Variants in SLC22A23 observed in about 807,000 individuals in gnomAD.
SLC22A23 encodes ion transporter protein.
SLC22A23 carries 26 observed loss-of-function variants against 61.0 expected under a neutral mutation model. The ratio of observed to expected loss-of-function variants is 0.43; its 90% CI spans 0.31 to 0.59. SLC22A23 has a LOEUF of 0.59. Ranked by LOEUF, SLC22A23 falls within the 20% of genes least tolerant of loss-of-function variation. SLC22A23 has a pLI of 0.11. For missense variants in SLC22A23, 796 were observed against 934.7 expected (o/e 0.85, Z 1.94); for synonymous variants, 430 against 413.9 (o/e 1.04, Z -0.47).
At chr6:3,400,586 T>C (rs1768314979) in intron 3 of SLC22A23, among the ~76,000 whole-genome samples, 1 of 152,230 alleles carries the variant, frequency 6.6e-6, no homozygotes, top group South Asian at 2.1e-4. Context: ...TGCCCAATCT[T>C]TCCTAGGTGA....
chr6:3,384,512 C>T (rs748020278), intron 3 of SLC22A23, among the ~76,000 whole-genome samples: 1 of 152,132 alleles, frequency 6.6e-6, no homozygotes, highest in African/African-American at 2.4e-5. Context: ...AAATAAATCA[C>T]GGAACAGAGC....
rs1763322338 is a variant in SLC22A23, at chr6:3,327,048, ACGGGGACTGCAGGTGGATCGTTTCTGC to A, written c.914-3073_914-3047del. Among the ~76,000 whole-genome samples the A allele has an allele frequency of 6.7e-6, 1 of 148,264 alleles. No individual in the cohort carries two copies. The highest frequency in any genetic ancestry group is 2.5e-5 in the African/African-American group (1 of 39,924). ...AGGTGGATCGTTTCTGCTGGGAGGGACGGGGACTGCAGGTGGATCGTTTCTGCTGGGAGGGACGGGGACTGCAGGTGG... is the reference window on the plus strand; with the variant it reads ...AGGTGGATCGTTTCTGCTGGGAGGGATGGGAGGGACGGGGACTGCAGGTGG... On this transcript the variant is annotated intron_variant, in intron 3 of 9. Coordinates refer to ENST00000406686, the MANE Select transcript of SLC22A23 (RefSeq NM_015482.2). The surrounding 1 kb of genome is among the most constrained non-coding windows in gnomAD (Gnocchi z 4.1).
At position 3,341,582 on chromosome 6, in the gene SLC22A23, A is replaced by G. The variant is rs146136111; in HGVS notation, c.914-17580T>C. ...ACTGGTTAATCACTGCTCTGGTGTTAGATGACATTCAAATGTAAATGCTGT... is the reference window on the plus strand; with the variant it reads ...ACTGGTTAATCACTGCTCTGGTGTTGGATGACATTCAAATGTAAATGCTGT... On this transcript the variant is annotated intron_variant, in intron 3 of 9. Transcript: ENST00000406686. Among the ~76,000 whole-genome samples, 304 of 152,342 alleles carry G rather than the reference A, an allele frequency of 2.0e-3. 3 individuals are homozygous for G. The highest frequency in any genetic ancestry group is 0.017 in the East Asian group (89 of 5,196).
chr6:3,419,252 C>T (rs114955983), intron 1 of SLC22A23, among the ~76,000 whole-genome samples: 246 of 152,318 alleles, frequency 1.6e-3, no homozygotes, highest in Non-Finnish European at 3.0e-3. Flanking sequence ...CTGCCTTTCA[C>T]ATATATCCTG....
In SLC22A23 at chr6:3,456,166, C is replaced by A; in HGVS notation, c.394G>T (p.Gly132Cys). ...DQPNFWCRGAGKGTELAGVTT... is the reference protein window; with the variant it reads ...DQPNFWCRGACKGTELAGVTT... ...ACCCCTGCCAGCTCGGTGCCTTTGCCGGCCCCGCGGCACCAGAAGTTGGGC... is the reference window on the plus strand; with the variant it reads ...ACCCCTGCCAGCTCGGTGCCTTTGCAGGCCCCGCGGCACCAGAAGTTGGGC... The change falls in exon 1 of 10, where the codon GGC becomes TGC. Residue 132 changes from glycine to cysteine, a missense_variant. Transcript: ENST00000406686. The surrounding 1 kb of genome is among the most constrained non-coding windows in gnomAD (Gnocchi z 7.1). 6.4e-7 allele frequency: 1 copy of A among 1,551,238 alleles called. No individual in the cohort carries two copies. The highest frequency in any genetic ancestry group is 8.7e-7 in the Non-Finnish European group (1 of 1,146,854).
chr6:3,386,455 A>C lies in SLC22A23; in HGVS notation c.913+23733T>G, dbSNP rs1767314806. The stretch of plus-strand genomic sequence containing the variant: ...AGTTGGTGCTTCTCTTTCCTCCTCA[A>C]GAAGTTGGCTTCTCTGGAAAGTGGG... On this transcript the variant is annotated intron_variant, in intron 3 of 9. Coordinates refer to ENST00000406686, the MANE Select transcript of SLC22A23 (RefSeq NM_015482.2). This position sits in a 1 kb window ranked among gnomAD's most constrained non-coding sequence, Gnocchi z 4.4. Among the ~76,000 whole-genome samples the C allele has an allele frequency of 1.3e-5, 2 of 152,202 alleles. No homozygotes were observed. The highest frequency in any genetic ancestry group is 2.9e-5 in the Non-Finnish European group (2 of 68,032).
intron 3 of SLC22A23, among the ~76,000 whole-genome samples, chr6:3,406,696 C>G (rs1768864211): frequency 6.6e-6 from 1 of 152,202 alleles, no homozygotes. Flanking sequence ...CTCTCTTGCT[C>G]TTGCCAATGT....
chr6:3,282,224 T>G (rs1029107769), intron 9 of SLC22A23: 1 of 702,492 alleles, frequency 1.4e-6, no homozygotes, highest in Non-Finnish European at 2.6e-6. Flanking sequence ...AATTTCACTT[T>G]CCGTCCTTTA....
chr6:3,283,924 C>T lies in SLC22A23; in HGVS notation c.1631G>A (p.Gly544Asp). 1 of 1,609,744 alleles carries T rather than the reference C, an allele frequency of 6.2e-7. No homozygotes were observed. The highest frequency in any genetic ancestry group is 8.5e-7 in the Non-Finnish European group (1 of 1,176,372). Residue 544 changes from glycine (G) to aspartate (D), a missense_variant, in exon 9 of 10, where the codon GGC (glycine) becomes GAC (aspartate). Gly to Asp is a moderately conservative substitution (Grantham distance 94, BLOSUM62 -1). Coordinates refer to ENST00000406686, the MANE Select transcript of SLC22A23 (RefSeq NM_015482.2). ...DKFSIAFSIV[G>D]MFASHAVGSL... The stretch of plus-strand genomic sequence containing the variant: ...CCCCACCGCATGGGAGGCAAACATG[C>T]CCACGATGGAAAACGCGATGGAAAA...
Position 3,316,336 on chromosome 6 carries a change from AAT to A in SLC22A23, c.1082+7496_1082+7497del, listed in dbSNP as rs540017722. ...TAAGGAATTCGAGAGTACTATGGTT[AAT>A]ATGTTTTCACACGTAAGAAGCGTGC... is the stretch of plus-strand genomic sequence containing the variant. On this transcript the variant is annotated intron_variant, in intron 4 of 9. Transcript: ENST00000406686. Among the ~76,000 whole-genome samples, 15 of 152,354 alleles carry A rather than the reference AAT, an allele frequency of 9.8e-5. No homozygotes were observed. The East Asian group carries it at 2.9e-3, about 29-fold the overall frequency.
chr6:3,280,354 A>G (rs1039188600), intron 9 of SLC22A23, among the ~76,000 whole-genome samples: 1 of 152,128 alleles, frequency 6.6e-6, no homozygotes, highest in Non-Finnish European at 1.5e-5. Flanking sequence ...TCCGGGCCAT[A>G]TCATCAGCAC....
At chr6:3,434,608 CAAAA>C (rs67335880) in intron 1 of SLC22A23, among the ~76,000 whole-genome samples, 21,174 of 141,642 alleles carry the variant, frequency 0.15, 1,663 homozygotes, top group Non-Finnish European at 0.19. Flanking sequence ...GACTCCATCT[CAAAA>C]AAAAAAAAAT....
At chr6:3,448,539 C>CAGTT (rs1196808703) in intron 1 of SLC22A23, among the ~76,000 whole-genome samples, 15 of 152,060 alleles carry the variant, frequency 9.9e-5, no homozygotes, top group African/African-American at 3.4e-4. Flanking sequence ...GTCCCCCAGA[C>CAGTT]AGTTAGTGCA....
At chr6:3,442,859 C>A (rs752534142) in intron 1 of SLC22A23, among the ~76,000 whole-genome samples, 1 of 152,000 alleles carries the variant, frequency 6.6e-6, no homozygotes, top group Non-Finnish European at 1.5e-5. Context: ...AGCATTCCTA[C>A]GACTTAACAT....
intron 5 of SLC22A23, among the ~76,000 whole-genome samples, chr6:3,294,242 C>T (rs1760875541): frequency 6.7e-6 from 1 of 149,448 alleles, no homozygotes; most frequent in African/African-American, 2.5e-5. Context: ...CAGTCACTGT[C>T]CAGTGACTTT....
chr6:3,324,079 G>A lies in SLC22A23; in HGVS notation c.914-77C>T. ...AGAAGTCCTGGGTGCACCTGGGCCA[G>A]TGCACTGCTTAACCCACCAACGACT... On this transcript the variant is annotated intron_variant, in intron 3 of 9. Coordinates refer to ENST00000406686, the MANE Select transcript of SLC22A23 (RefSeq NM_015482.2). This position sits in a 1 kb window ranked among gnomAD's most constrained non-coding sequence, Gnocchi z 4.3. 6.5e-7 allele frequency: 1 copy of A among 1,542,476 alleles called. No homozygotes were observed. The highest frequency in any genetic ancestry group is 8.9e-7 in the Non-Finnish European group (1 of 1,127,756).
chr6:3,294,084 C>A (rs538506397), intron 5 of SLC22A23, among the ~76,000 whole-genome samples: 1 of 152,304 alleles, frequency 6.6e-6, no homozygotes, highest in African/African-American at 2.4e-5. Context: ...GCTAGCCTGA[C>A]ACTGAGAGGT....
Position 3,455,889 on chromosome 6 carries a change from G to C in SLC22A23, c.654+17C>G. 6.8e-7 allele frequency: 1 copy of C among 1,480,880 alleles called. No homozygotes were observed. The highest frequency in any genetic ancestry group is 9.0e-7 in the Non-Finnish European group (1 of 1,110,244). 91.7% of individuals were successfully genotyped at this position (1,480,880 alleles called of 1,614,324 possible). A position where few individuals can be genotyped will look rare whatever the true frequency, so the allele number is the denominator to read the frequency against. The stretch of plus-strand genomic sequence containing the variant: ...GCAGGGAGAGGGTTGGAGGGACTGG[G>C]CGGCTGCGGCCCTTACCTTGCTGAC... On this transcript the variant is annotated intron_variant, in intron 1 of 9. Transcript: ENST00000406686.
At chr6:3,415,661 C>T in intron 2 of SLC22A23, 91 bp downstream of exon 2, 1 of 893,350 alleles carries the variant, frequency 1.1e-6, no homozygotes, top group Non-Finnish European at 1.8e-6. Context: ...AAAAGACAGT[C>T]ATGGTAAGCT....
Sources: allele counts gnomAD v4.1 joint callset (sites outside exome capture counted in the v4.1 genomes callset), GRCh38; gene constraint gnomAD v4.1.1; non-coding constraint Gnocchi (gnomAD v3.1); transcripts MANE v1.5; gene names NCBI Gene and HGNC (gene_info 2026-07-23, HGNC 2026-07-21).